Variants in BMP2K observed in about 807,000 individuals in gnomAD.
BMP2K encodes BMP2 inducible kinase.
Under a neutral mutation model 116.0 loss-of-function variants are expected in BMP2K, and 74 were observed. The observed-to-expected ratio is 0.64, with a 90% confidence interval of 0.53 to 0.77. BMP2K has a LOEUF of 0.77. Ranked by LOEUF, BMP2K falls within the 30% of genes least tolerant of loss-of-function variation. BMP2K has a pLI of 0.00. For synonymous variants in BMP2K, 486 were observed against 502.5 expected (o/e 0.97, Z 0.44); for missense variants, 1,365 against 1,403.6 (o/e 0.97, Z 0.44).
At chr4:78,842,626 T>C in intron 4 of BMP2K, 99 bp downstream of exon 4, 4 of 1,132,812 alleles carry the variant, frequency 3.5e-6, no homozygotes, top group Non-Finnish European at 4.7e-6. Context: ...GGCTTTGAGG[T>C]TGGTCTCTCT....
In BMP2K at chr4:78,851,070, A is replaced by G; in HGVS notation, c.883+14A>G. On this transcript the variant is annotated intron_variant, in intron 7 of 15. Transcript: ENST00000502613. The stretch of plus-strand genomic sequence containing the variant: ...ATTGCTTAATAAGTAAGTATTTGGG[A>G]AAATGTATGAAAATATTGTAGGATA... The G allele has an allele frequency of 4.4e-6, 7 of 1,596,542 alleles. No homozygotes were observed. The highest frequency in any genetic ancestry group is 6.0e-6 in the Non-Finnish European group (7 of 1,169,842).
chr4:78,897,220 A>G (rs1733751318), intron 15 of BMP2K, among the ~76,000 whole-genome samples: 1 of 152,002 alleles, frequency 6.6e-6, no homozygotes, highest in Non-Finnish European at 1.5e-5. Context: ...TATTTCTGGG[A>G]ACTTACCTTA....
chr4:78,803,706 C>G (rs753345877), intron 1 of BMP2K, among the ~76,000 whole-genome samples: 54 of 152,246 alleles, frequency 3.5e-4, no homozygotes, highest in Non-Finnish European at 6.8e-4. Context: ...AATGCCATTA[C>G]TAGAGAATTA....
chr4:78,868,367 C>G (rs1732163734), intron 10 of BMP2K, among the ~76,000 whole-genome samples: 1 of 152,180 alleles, frequency 6.6e-6, no homozygotes, highest in Admixed American at 6.5e-5. Flanking sequence ...TTACCTCCCC[C>G]TGGGTCCGTC....
At chr4:78,790,097 C>T (rs1475269903) in intron 1 of BMP2K, among the ~76,000 whole-genome samples, 2 of 152,278 alleles carry the variant, frequency 1.3e-5, no homozygotes, top group East Asian at 3.9e-4. Context: ...TGAATCTTTA[C>T]AGTGATATAA....
At chr4:78,825,216 C>CA (rs920222153) in intron 1 of BMP2K, among the ~76,000 whole-genome samples, 4 of 151,836 alleles carry the variant, frequency 2.6e-5, no homozygotes, top group African/African-American at 7.3e-5. Context: ...AAAACAAAAA[C>CA]AAAAAAACCC....
intron 15 of BMP2K, among the ~76,000 whole-genome samples, chr4:78,903,219 T>G (rs566662232): frequency 6.6e-6 from 1 of 151,992 alleles, no homozygotes; most frequent in Non-Finnish European, 1.5e-5. Context: ...AATGGGCAAA[T>G]TCATGTTCTT....
intron 1 of BMP2K, among the ~76,000 whole-genome samples, chr4:78,817,311 C>T (rs754549077): frequency 2.0e-5 from 3 of 152,152 alleles, no homozygotes; most frequent in Admixed American, 1.3e-4. Flanking sequence ...CAAGACTACC[C>T]CCACTTCAAA....
At chr4:78,904,195 A>G (rs984265014) in intron 15 of BMP2K, among the ~76,000 whole-genome samples, 2 of 151,956 alleles carry the variant, frequency 1.3e-5, no homozygotes, top group Non-Finnish European at 2.9e-5. Flanking sequence ...TAACATGGAA[A>G]ACAAAGTTTC....
At chr4:78,821,085 T>G (rs2109990116) in intron 1 of BMP2K, among the ~76,000 whole-genome samples, 1 of 152,352 alleles carries the variant, frequency 6.6e-6, no homozygotes, top group African/African-American at 2.4e-5. Context: ...CTTAAGAATA[T>G]TTATAGGTTC....
chr4:78,787,799 C>T (rs146208227), intron 1 of BMP2K, among the ~76,000 whole-genome samples: 1 of 152,074 alleles, frequency 6.6e-6, no homozygotes, highest in Admixed American at 6.6e-5. Flanking sequence ...GTAAGCCTGG[C>T]CCAAAGGTCA....
intron 1 of BMP2K, among the ~76,000 whole-genome samples, chr4:78,793,620 A>G (rs890277533): frequency 6.6e-5 from 10 of 152,098 alleles, no homozygotes; most frequent in African/African-American, 2.2e-4. Context: ...CTGGGTCTAC[A>G]ATGTATAGTG....
intron 12 of BMP2K, 66 bp downstream of exon 12, chr4:78,872,014 A>G (rs915464549): frequency 2.6e-6 from 3 of 1,135,174 alleles, no homozygotes; most frequent in African/African-American, 3.2e-5. Context: ...CACAGTATGA[A>G]TCATATTATT....
At chr4:78,873,658 CTGTGTGTGTGTGTG>C (rs377226626) in intron 13 of BMP2K, among the ~76,000 whole-genome samples, 3,770 of 139,522 alleles carry the variant, frequency 0.027, 63 homozygotes, top group Non-Finnish European at 0.034. Flanking sequence ...CTCCCAACCT[CTGTGTGTGTGTGTG>C]TGTGTGTGTG....
chr4:78,909,364 T>TG (rs1386186842), intron 15 of BMP2K, among the ~76,000 whole-genome samples: 2 of 54,216 alleles, frequency 3.7e-5, no homozygotes, highest in African/African-American at 1.1e-4. Context: ...AGAGCAGTCA[T>TG]TTTTTTTTAT....
chr4:78,870,913 G>A lies in BMP2K; in HGVS notation c.1362G>A (p.Gln454=), dbSNP rs1461146271. 6.2e-7 allele frequency: 1 copy of A among 1,613,212 alleles called. No homozygotes were observed. The highest frequency in any genetic ancestry group is 8.5e-7 in the Non-Finnish European group (1 of 1,179,946). ...GGAGATTACAGCAACTCCATTTACA[G>A]CATCGTCATCCTCACCAGCAGCAGC... ...GDWRLQQLHL[Q]HRHPHQQQQQ... The change falls in exon 11 of 16, where the codon CAG becomes CAA. Residue 454 remains glutamine (Q), a synonymous_variant. Coordinates refer to ENST00000502613, the MANE Select transcript of BMP2K (RefSeq NM_198892.2).
chr4:78,863,309 A>G (rs1731885066), intron 9 of BMP2K, among the ~76,000 whole-genome samples: 1 of 152,102 alleles, frequency 6.6e-6, no homozygotes, highest in South Asian at 2.1e-4. Flanking sequence ...TTTCCATGTA[A>G]AGAGCACATT....
chr4:78,835,732 G>A (rs1730446401), intron 3 of BMP2K, among the ~76,000 whole-genome samples: 1 of 151,552 alleles, frequency 6.6e-6, no homozygotes, highest in Admixed American at 6.6e-5. Context: ...AAATATTTGA[G>A]ATGTTTCTTA....
At chr4:78,909,955 A>T (rs755935972) in intron 15 of BMP2K, among the ~76,000 whole-genome samples, 3 of 152,326 alleles carry the variant, frequency 2.0e-5, no homozygotes, top group Non-Finnish European at 4.4e-5. Context: ...ATTTGTTTTT[A>T]AAGGAATCTC....
Sources: gnomAD v4.1 joint callset for allele counts (sites outside exome capture counted in the v4.1 genomes callset) on GRCh38, gnomAD v4.1.1 for gene constraint, MANE v1.5 for transcripts, NCBI Gene and HGNC (gene_info 2026-07-23, HGNC 2026-07-21) for gene names.